The following GGTA1 variants were observed in gnomAD, a reference collection of about 807,000 sequenced individuals.
GGTA1 encodes the protein inactive N-acetyllactosaminide alpha-1,3-galactosyltransferase.
A neutral mutation model predicts 2.6 loss-of-function variants in GGTA1; 5 were observed. The observed-to-expected ratio is 1.92, with a 90% confidence interval of 1.00 to 4.04. The LOEUF (loss-of-function observed/expected upper bound fraction) is 4.04. GGTA1 is among the 30% of genes most tolerant of loss of function. GGTA1 has a pLI of 0.00. For synonymous variants in GGTA1, 17 were observed against 5.0 expected, an observed-to-expected ratio of 3.38 and a Z score of -3.19; for missense variants, 50 against 16.7, an observed-to-expected ratio of 2.99 and a Z score of -3.47.
chr9:121,493,013 G>T (rs1469726092), intron 1 of GGTA1, among the ~76,000 whole-genome samples: 1 of 151,826 alleles, frequency 6.6e-6, no homozygotes, highest in Non-Finnish European at 1.5e-5. Context: ...GTGTGGTGGC[G>T]TGTGCCTGTA....
chr9:121,496,376 A>G (rs1828992226), intron 1 of GGTA1, among the ~76,000 whole-genome samples: 1 of 152,038 alleles, frequency 6.6e-6, no homozygotes, highest in Non-Finnish European at 1.5e-5. Context: ...ATATCACCAT[A>G]TCCCTATTCT....
chr9:121,467,953 GAA>G, intron 1 of GGTA1, 22 bp from the exon 2 acceptor site: 1 of 446,904 alleles, frequency 2.2e-6, no homozygotes, highest in Non-Finnish European at 4.5e-6. Flanking sequence ...GAAGAGGGGA[GAA>G]AAAAAGAGAA....
chr9:121,494,984 G>T (rs1828959077), intron 1 of GGTA1, among the ~76,000 whole-genome samples: 1 of 146,094 alleles, frequency 6.8e-6, no homozygotes. Flanking sequence ...GAGTGCAGTG[G>T]TGCCATCTCA....
At chr9:121,489,139 G>T (rs1828821535) in intron 1 of GGTA1, among the ~76,000 whole-genome samples, 1 of 152,146 alleles carries the variant, frequency 6.6e-6, no homozygotes, top group Non-Finnish European at 1.5e-5. Context: ...ACAATTAAAT[G>T]AACTGTATTA....
At position 121,476,013 on chromosome 9, in the gene GGTA1, AG is replaced by A. The variant is rs1378571815; in HGVS notation, c.-9-8083del. The stretch of plus-strand genomic sequence containing the variant: ...ATGGAGATTCTAACACCCTCCTCAA[AG>A]GGTTCTTGAAAGCATACTGTGCCCA... On this transcript the variant is annotated intron_variant, in intron 1 of 5. Transcript: ENST00000481799. This position sits in a 1 kb window ranked among gnomAD's most constrained non-coding sequence, Gnocchi z 4.6. 1.3e-5 allele frequency among the ~76,000 whole-genome samples: 2 copies of A among 152,164 alleles called. No homozygotes were observed. The highest frequency in any genetic ancestry group is 4.8e-5 in the African/African-American group (2 of 41,432).
chr9:121,486,945 C>T lies in GGTA1; in HGVS notation c.-10+12705G>A, dbSNP rs370977466. ...AACTCAGGTACCCCTATTTGCTCTTCGGACCAGGTCCACACCACACGTCTC... is the reference window on the plus strand; with the variant it reads ...AACTCAGGTACCCCTATTTGCTCTTTGGACCAGGTCCACACCACACGTCTC... On this transcript the variant is annotated intron_variant, in intron 1 of 5. Transcript: ENST00000481799. Among the ~76,000 whole-genome samples, 22 of 152,130 alleles carry T rather than the reference C, an allele frequency of 1.4e-4. 1 individual carries two copies. Among genetic ancestry groups the T allele is most frequent in the African/African-American group, 4.1e-4 (17 of 41,412 alleles).
At chr9:121,478,624 T>C (rs1372766761) in intron 1 of GGTA1, among the ~76,000 whole-genome samples, 1 of 151,966 alleles carries the variant, frequency 6.6e-6, no homozygotes, top group Non-Finnish European at 1.5e-5. Flanking sequence ...GCATGGAAGG[T>C]TGTCTCCAGT....
At chr9:121,469,895 G>T (rs1002804655) in intron 1 of GGTA1, among the ~76,000 whole-genome samples, 2 of 152,142 alleles carry the variant, frequency 1.3e-5, no homozygotes, top group South Asian at 4.1e-4. Context: ...ACAGCCTAAA[G>T]CCCTCTGAAA....
chr9:121,478,340 C>T (rs1828559259), intron 1 of GGTA1, among the ~76,000 whole-genome samples: 1 of 152,202 alleles, frequency 6.6e-6, no homozygotes, highest in African/African-American at 2.4e-5. Context: ...CTTGTTTATT[C>T]CTCACAATGG....
chr9:121,477,653 G>A (rs1828542136), intron 1 of GGTA1, among the ~76,000 whole-genome samples: 1 of 135,762 alleles, frequency 7.4e-6, no homozygotes, highest in Admixed American at 8.5e-5. Context: ...CCAGCTCACT[G>A]CAAGCTCCGC....
chr9:121,468,186 C>A (rs533324785), intron 1 of GGTA1, among the ~76,000 whole-genome samples: 1 of 152,250 alleles, frequency 6.6e-6, no homozygotes, highest in Non-Finnish European at 1.5e-5. Flanking sequence ...CATCCCCTGA[C>A]AGGCCCCGGT....
chr9:121,493,953 T>C (rs10120542), intron 1 of GGTA1, among the ~76,000 whole-genome samples: 141,446 of 151,818 alleles, frequency 0.93, 66,308 homozygotes, highest in Non-Finnish European at 0.99. Flanking sequence ...GACGGGGTTT[T>C]GCCATGTTGA....
At chr9:121,451,329 G>T (rs576036254), downstream of GGTA1, among the ~76,000 whole-genome samples, 88 of 152,282 alleles carry the variant, frequency 5.8e-4, no homozygotes, top group Non-Finnish European at 1.1e-3. Flanking sequence ...GAGACTACAG[G>T]CATGTGCCAC....
chr9:121,464,955 C>G (rs1224892142), intron 2 of GGTA1, among the ~76,000 whole-genome samples: 1 of 151,032 alleles, frequency 6.6e-6, no homozygotes, highest in Non-Finnish European at 1.5e-5. Context: ...CTCGGCTCAC[C>G]TCAACCTATC....
chr9:121,455,736 T>C lies in GGTA1; in HGVS notation c.*101A>G. 1 of 396,860 alleles carries C rather than the reference T, an allele frequency of 2.5e-6. No individual in the cohort carries two copies. The highest frequency in any genetic ancestry group is 1.8e-5 in the South Asian group (1 of 54,404). The allele number at this position is 396,860 out of a possible 1,614,324, so 24.6% of individuals were successfully genotyped here. A position where few individuals can be genotyped will look rare whatever the true frequency, so the allele number is the denominator to read the frequency against. ...AGAATCTCGCAGTCCCAACAGGTGG[T>C]CCGCCTGTTACACACTCCTTAACCG... On this transcript the variant is annotated 3_prime_UTR_variant, in exon 6 of 6. Coordinates refer to ENST00000481799, the MANE Select transcript of GGTA1 (RefSeq NM_001382585.1).
At chr9:121,495,217 G>A (rs2118780574) in intron 1 of GGTA1, among the ~76,000 whole-genome samples, 1 of 152,038 alleles carries the variant, frequency 6.6e-6, no homozygotes, top group African/African-American at 2.4e-5. Context: ...ACCACACCTG[G>A]CCTCTCCTGA....
chr9:121,475,405 A>G (rs753064680), intron 1 of GGTA1, among the ~76,000 whole-genome samples: 2 of 152,172 alleles, frequency 1.3e-5, no homozygotes, highest in Non-Finnish European at 2.9e-5. Flanking sequence ...TGGAGCAGCC[A>G]TTCTTTTATT....
At chr9:121,453,720 G>A (rs2064890547), downstream of GGTA1, among the ~76,000 whole-genome samples, 1 of 152,206 alleles carries the variant, frequency 6.6e-6, no homozygotes, top group African/African-American at 2.4e-5. Context: ...GGCTGTCAAG[G>A]AGACGTTAGC....
chr9:121,454,750 T>C (rs1016340888), downstream of GGTA1, among the ~76,000 whole-genome samples: 6 of 152,174 alleles, frequency 3.9e-5, no homozygotes, highest in South Asian at 2.1e-4. Context: ...CGGTGGCTCA[T>C]GCCTGCAATC....
Sources: gnomAD v4.1 joint callset for allele counts (sites outside exome capture counted in the v4.1 genomes callset) on GRCh38, gnomAD v4.1.1 for gene constraint, Gnocchi (gnomAD v3.1) non-coding constraint, MANE v1.5 for transcripts, NCBI Gene and HGNC (gene_info 2026-07-23, HGNC 2026-07-21) for gene names.